RBMS1: variants seen among roughly 807,000 people sequenced by gnomAD.
RBMS1 encodes the protein RNA-binding motif, single-stranded-interacting protein 1.
In RBMS1, 17 loss-of-function variants were observed where a neutral mutation model predicts 62.3. The observed-to-expected ratio is 0.27, with a 90% CI of 0.19 to 0.41. The LOEUF (loss-of-function observed/expected upper bound fraction) is 0.41. Among genes scored for constraint, RBMS1 ranks in the 10% least tolerant of loss-of-function variants. The probability of loss-of-function intolerance (pLI) is 1.00; values close to 1 mark genes in which losing one functional copy is unlikely to be tolerated. For missense variants in RBMS1, 334 were observed against 504.5 expected (o/e 0.66, Z 3.24); for synonymous variants, 172 against 170.0 (o/e 1.01, Z -0.09).
At chr2:160,473,682 A>G (rs1019069336) in intron 1 of RBMS1, among the ~76,000 whole-genome samples, 14 of 152,182 alleles carry the variant, frequency 9.2e-5, no homozygotes, top group African/African-American at 3.4e-4. Flanking sequence ...AATTTATTCA[A>G]AGCAATAGCT....
chr2:160,455,162 T>A (rs568684400), intron 1 of RBMS1, among the ~76,000 whole-genome samples: 1 of 152,342 alleles, frequency 6.6e-6, no homozygotes, highest in African/African-American at 2.4e-5. Context: ...AAGACCGGTA[T>A]CTGATGTCAA....
At chr2:160,455,836 A>G (rs1452983738) in intron 1 of RBMS1, among the ~76,000 whole-genome samples, 1 of 151,702 alleles carries the variant, frequency 6.6e-6, no homozygotes, top group Non-Finnish European at 1.5e-5. Flanking sequence ...GGCGCCCGCT[A>G]CCACGCCCGG....
At chr2:160,438,261 C>CTTTTTTTTTTTTTTTTT (rs67789291) in intron 1 of RBMS1, among the ~76,000 whole-genome samples, 1 of 91,010 alleles carries the variant, frequency 1.1e-5, no homozygotes. Context: ...TCAATACTTT[C>CTTTTTTTTTTTTTTTTT]TTTTTTTTTT....
At chr2:160,365,586 T>C (rs1188104613) in intron 2 of RBMS1, among the ~76,000 whole-genome samples, 1 of 152,220 alleles carries the variant, frequency 6.6e-6, no homozygotes, top group Non-Finnish European at 1.5e-5. Context: ...AAACATGGCA[T>C]TACTCCAGTA....
chr2:160,325,409 A>G (rs1182353405), intron 2 of RBMS1, among the ~76,000 whole-genome samples: 1 of 152,176 alleles, frequency 6.6e-6, no homozygotes, highest in Non-Finnish European at 1.5e-5. Context: ...TAACTAAGGT[A>G]TCTATTTGAG....
chr2:160,421,727 T>C (rs1428926592), intron 1 of RBMS1, among the ~76,000 whole-genome samples: 1 of 152,216 alleles, frequency 6.6e-6, no homozygotes, highest in Admixed American at 6.5e-5. Context: ...CGCCACACTG[T>C]CTTCCACAAT....
intron 1 of RBMS1, among the ~76,000 whole-genome samples, chr2:160,482,084 A>G (rs1298744830): frequency 6.6e-6 from 1 of 152,264 alleles, no homozygotes; most frequent in Non-Finnish European, 1.5e-5. Flanking sequence ...TAATGGATAC[A>G]TAAATTTTGA....
At chr2:160,363,935 A>T (rs992413342) in intron 2 of RBMS1, among the ~76,000 whole-genome samples, 71 of 152,294 alleles carry the variant, frequency 4.7e-4, no homozygotes, top group African/African-American at 1.5e-3. Context: ...AATAAGAGAT[A>T]TTTAAGATGC....
chr2:160,318,284 T>C (rs914392952), intron 2 of RBMS1, 57 bp from the exon 3 acceptor site: 7 of 1,460,656 alleles, frequency 4.8e-6, no homozygotes, highest in African/African-American at 1.5e-5. Flanking sequence ...AAAGAAGTTA[T>C]AAGGAACCCT....
intron 1 of RBMS1, among the ~76,000 whole-genome samples, chr2:160,458,091 G>A (rs1297868879): frequency 6.6e-6 from 1 of 151,888 alleles, no homozygotes; most frequent in African/African-American, 2.4e-5. Flanking sequence ...AGCCTCCTGA[G>A]TAGCTGGGTC....
chr2:160,437,486 A>C lies in RBMS1; in HGVS notation c.75+55803T>G, dbSNP rs143722312. On this transcript the variant is annotated intron_variant, in intron 1 of 13. Coordinates refer to ENST00000348849, the MANE Select transcript of RBMS1 (RefSeq NM_016836.4). ...ATGTCAACACTCCAATCAAGTATTC[A>C]CTACACAGAATCTTCATCTTTCCAT... is the stretch of plus-strand genomic sequence containing the variant. Among the ~76,000 whole-genome samples the C allele has an allele frequency of 2.1e-3, 321 of 152,366 alleles. 1 individual carries two copies. The highest frequency in any genetic ancestry group is 7.4e-3 in the African/African-American group (308 of 41,588).
intron 2 of RBMS1, among the ~76,000 whole-genome samples, chr2:160,343,088 C>A (rs1691970866): frequency 1.3e-5 from 2 of 152,098 alleles, no homozygotes; most frequent in African/African-American, 4.8e-5. Flanking sequence ...CATTACAGAC[C>A]ACATCCAGAA....
intron 1 of RBMS1, chr2:160,407,969 C>G (rs1348729823): frequency 5.2e-6 from 5 of 958,074 alleles, no homozygotes; most frequent in Non-Finnish European, 6.2e-6. Flanking sequence ...CAGGCCCACC[C>G]GCGCCTCCCC....
At chr2:160,369,702 C>T (rs905787220) in intron 1 of RBMS1, among the ~76,000 whole-genome samples, 19 of 152,136 alleles carry the variant, frequency 1.2e-4, no homozygotes, top group Admixed American at 3.9e-4. Context: ...GGATCAGGCC[C>T]GCCCCTACCT....
At chr2:160,408,102 G>A (rs1181532805) in intron 1 of RBMS1, among the ~76,000 whole-genome samples, 1 of 151,390 alleles carries the variant, frequency 6.6e-6, no homozygotes, top group African/African-American at 2.4e-5. Flanking sequence ...CCCCCGCTCT[G>A]GTGCAATGGT....
At chr2:160,452,239 G>C (rs1283260841) in intron 1 of RBMS1, among the ~76,000 whole-genome samples, 1 of 152,108 alleles carries the variant, frequency 6.6e-6, no homozygotes, top group Non-Finnish European at 1.5e-5. Flanking sequence ...AGGCCTCTGA[G>C]CTCCCAGGAA....
At chr2:160,360,273 C>G (rs894684681) in intron 2 of RBMS1, among the ~76,000 whole-genome samples, 3 of 152,084 alleles carry the variant, frequency 2.0e-5, no homozygotes, top group African/African-American at 7.2e-5. Context: ...GTGCTCTCTC[C>G]CAGTTAATGC....
Position 160,303,387 on chromosome 2 carries a change from A to G in RBMS1, c.503T>C (p.Ile168Thr). 1 of 1,613,684 alleles carries G rather than the reference A, an allele frequency of 6.2e-7. No individual in the cohort carries two copies. The highest frequency in any genetic ancestry group is 8.5e-7 in the Non-Finnish European group (1 of 1,179,794). ...ENMLKPFGQV[I>T]STRILRDSSG... The stretch of plus-strand genomic sequence containing the variant: ...GGAATCACGTAGTATCCTTGTAGAA[A>G]TAACTTGTCCAAATGGTTTGAGCAT... Residue 168 changes from isoleucine to threonine, a missense_variant, in exon 5 of 14, where the codon ATT (isoleucine) becomes ACT (threonine). Coordinates refer to ENST00000348849, the MANE Select transcript of RBMS1 (RefSeq NM_016836.4).
intron 1 of RBMS1, among the ~76,000 whole-genome samples, chr2:160,478,200 T>C (rs1026745974): frequency 6.6e-6 from 1 of 152,246 alleles, no homozygotes; most frequent in South Asian, 2.1e-4. Context: ...AGCACGATTT[T>C]AAATTGTCCA....
Sources: allele counts gnomAD v4.1 joint callset (sites outside exome capture counted in the v4.1 genomes callset), GRCh38; gene constraint gnomAD v4.1.1; transcripts MANE v1.5; gene names NCBI Gene and HGNC (gene_info 2026-07-23, HGNC 2026-07-21).